The following ABLIM1 variants were observed in gnomAD, a reference collection of about 807,000 sequenced individuals.
The protein encoded by ABLIM1 is actin binding LIM protein 1.
ABLIM1 carries 40 observed loss-of-function variants against 107.0 expected under a neutral mutation model. The observed-to-expected ratio is 0.37, with a 90% CI of 0.29 to 0.49. The LOEUF (loss-of-function observed/expected upper bound fraction) is 0.49, where lower values mean the gene tolerates loss of function less well. ABLIM1 is among the 20% of genes least tolerant of loss of function. ABLIM1 has a pLI of 0.97. For missense variants in ABLIM1, 857 were observed against 1,008.5 expected (o/e 0.85, Z 2.04); for synonymous variants, 357 against 357.3 (o/e 1.00, Z 0.01).
the ABLIM1 span, among the ~76,000 whole-genome samples, chr10:114,792,112 G>A: frequency 6.6e-6 from 1 of 152,200 alleles, no homozygotes; most frequent in Non-Finnish European, 1.5e-5. Context: ...CTTGAGTTCA[G>A]GAGTTCAAGA....
upstream of ABLIM1, among the ~76,000 whole-genome samples, chr10:114,661,301 G>A (rs1000438633): frequency 2.0e-5 from 3 of 152,324 alleles, no homozygotes; most frequent in African/African-American, 7.2e-5. Context: ...TTCTCAGGCA[G>A]TGGAGAGGGA....
chr10:114,783,656 G>A, the ABLIM1 span, among the ~76,000 whole-genome samples: 1 of 151,928 alleles, frequency 6.6e-6, no homozygotes, highest in Admixed American at 6.6e-5. Context: ...ATAGCATCTT[G>A]TGAAGGGAAA....
intron 8 of ABLIM1, among the ~76,000 whole-genome samples, chr10:114,475,373 A>C (rs2056174113): frequency 6.6e-6 from 1 of 152,130 alleles, no homozygotes; most frequent in African/African-American, 2.4e-5. Flanking sequence ...TTTCTCTCAT[A>C]GTGTCATTCT....
chr10:114,638,294 G>T (rs2078577354), intron 1 of ABLIM1, among the ~76,000 whole-genome samples: 2 of 152,112 alleles, frequency 1.3e-5, no homozygotes, highest in South Asian at 4.1e-4. Context: ...CAAAGTATTT[G>T]CCAAGATACA....
intron 1 of ABLIM1, among the ~76,000 whole-genome samples, chr10:114,737,203 A>G (rs113052211): frequency 0.01 from 1,571 of 152,274 alleles, 21 homozygotes; most frequent in African/African-American, 0.035. Flanking sequence ...ATGCGCCTGT[A>G]ACCCCAGCTA....
Position 114,487,848 on chromosome 10 carries a change from G to A in ABLIM1, c.1041+110C>T, listed in dbSNP as rs2058405021. On this transcript the variant is annotated intron_variant, in intron 8 of 22. Transcript: ENST00000533213. Reference sequence around the variant, plus strand: ...CCTTTGAACTTAGTTTGCTATAAGGGAAAAAGTCAGTAAAAAGTAATTTCA... The same window carrying A: ...CCTTTGAACTTAGTTTGCTATAAGGAAAAAAGTCAGTAAAAAGTAATTTCA... 3 of 1,379,936 alleles carry A rather than the reference G, an allele frequency of 2.2e-6. No homozygotes were observed. The African/African-American group carries it at 4.3e-5, about 20-fold the overall frequency. 85.5% of individuals were successfully genotyped at this position (1,379,936 alleles called of 1,614,324 possible).
intron 8 of ABLIM1, among the ~76,000 whole-genome samples, chr10:114,482,592 G>C (rs1432009967): frequency 6.6e-6 from 1 of 152,176 alleles, no homozygotes; most frequent in Non-Finnish European, 1.5e-5. Context: ...AATCGCCAAC[G>C]GGTGAAGGGA....
At chr10:114,643,142 T>C (rs2078826812) in intron 1 of ABLIM1, among the ~76,000 whole-genome samples, 1 of 152,220 alleles carries the variant, frequency 6.6e-6, no homozygotes, top group East Asian at 1.9e-4. Flanking sequence ...CTAAAAGTGC[T>C]AGCAGTGAGC....
At chr10:114,701,140 A>C (rs988096202) in intron 1 of ABLIM1, among the ~76,000 whole-genome samples, 2 of 152,186 alleles carry the variant, frequency 1.3e-5, no homozygotes, top group African/African-American at 4.8e-5. Flanking sequence ...ACTTGAATAG[A>C]TACTTCACAA....
intron 1 of ABLIM1, among the ~76,000 whole-genome samples, chr10:114,705,933 A>T (rs1442138519): frequency 6.6e-6 from 1 of 152,216 alleles, no homozygotes; most frequent in Non-Finnish European, 1.5e-5. Flanking sequence ...TGAATTCCCA[A>T]GACAAATAGG....
chr10:114,547,742 C>A lies in ABLIM1; in HGVS notation c.708G>T (p.Gly236=), dbSNP rs1299587675. ...GCTTATCCAGCGCCAGCAGCGCCTG[C>A]CCATTCTTGATATCTCTTCCGCAGC... The part of the protein sequence containing the change: ...CAGCGRDIKN[G]QALLALDKQW... The change falls in exon 5 of 23, where the codon GGG becomes GGT. Residue 236 remains glycine, a synonymous_variant. Transcript: ENST00000533213. 6.2e-7 allele frequency: 1 copy of A among 1,612,782 alleles called. No individual in the cohort carries two copies. Among genetic ancestry groups the A allele is most frequent in the Non-Finnish European group, 8.5e-7 (1 of 1,180,032 alleles).
At chr10:114,570,276 C>T (rs1399985085) in intron 4 of ABLIM1, among the ~76,000 whole-genome samples, 1 of 152,156 alleles carries the variant, frequency 6.6e-6, no homozygotes, top group East Asian at 1.9e-4. Flanking sequence ...AACTGACCTA[C>T]TCGATGTTAT....
chr10:114,779,134 A>G, the ABLIM1 span: 1 of 152,318 alleles, frequency 6.6e-6, no homozygotes, highest in East Asian at 1.9e-4. Context: ...TTCTCTGACT[A>G]AAGTGGAATC....
intron 1 of ABLIM1, among the ~76,000 whole-genome samples, chr10:114,641,473 C>T (rs529803360): frequency 6.6e-6 from 1 of 151,988 alleles, no homozygotes; most frequent in Non-Finnish European, 1.5e-5. Flanking sequence ...TTGAAGTTGA[C>T]ATAATAAACT....
intron 11 of ABLIM1, among the ~76,000 whole-genome samples, chr10:114,466,407 T>C (rs1244468471): frequency 6.6e-5 from 10 of 152,156 alleles, no homozygotes; most frequent in Non-Finnish European, 1.3e-4. Flanking sequence ...ATGCTGACAT[T>C]GTACTTTTCC....
chr10:114,792,481 A>G, the ABLIM1 span, among the ~76,000 whole-genome samples: 1 of 152,228 alleles, frequency 6.6e-6, no homozygotes, highest in African/African-American at 2.4e-5. Flanking sequence ...CATTTAATAG[A>G]TATCAAGAAT....
In ABLIM1 at chr10:114,444,016, G is replaced by T. The variant is rs769258859; in HGVS notation, c.1933+13C>A. The T allele has an allele frequency of 6.3e-7, 1 of 1,597,638 alleles. No individual in the cohort carries two copies. Among genetic ancestry groups the T allele is most frequent in the Non-Finnish European group, 8.5e-7 (1 of 1,173,428 alleles). ...GCTCTCGAATCAGGGAAGGTTGGGGGTTTGCTGCTTACCTGAGTTGATGGG... is the reference window on the plus strand; with the variant it reads ...GCTCTCGAATCAGGGAAGGTTGGGGTTTTGCTGCTTACCTGAGTTGATGGG... On this transcript the variant is annotated intron_variant, in intron 17 of 22. Transcript: ENST00000533213.
chr10:114,437,463 C>T (rs1184658417), intron 22 of ABLIM1, among the ~76,000 whole-genome samples: 10 of 151,936 alleles, frequency 6.6e-5, no homozygotes, highest in Admixed American at 6.6e-4. Flanking sequence ...GGACTACAGG[C>T]ACCTGCCACC....
intron 1 of ABLIM1, chr10:114,615,553 C>A: frequency 2.1e-6 from 1 of 468,956 alleles, no homozygotes; most frequent in Non-Finnish European, 4.3e-6. Flanking sequence ...TACAAGGTAA[C>A]TGCCATTGTA....
Sources: allele counts gnomAD v4.1 joint callset (sites outside exome capture counted in the v4.1 genomes callset), GRCh38; gene constraint gnomAD v4.1.1; transcripts MANE v1.5; gene names NCBI Gene and HGNC (gene_info 2026-07-23, HGNC 2026-07-21).